EXOC6B: variants seen among roughly 807,000 people sequenced by gnomAD.
EXOC6B encodes the protein SEC15 homolog B.
A neutral mutation model predicts 113.5 loss-of-function variants in EXOC6B; 54 were observed. That is an observed-to-expected ratio of 0.48 (90% confidence interval 0.38 to 0.60). The LOEUF is 0.60. Ranked by LOEUF, EXOC6B falls within the 20% of genes least tolerant of loss-of-function variation. EXOC6B has a pLI of 0.00. For synonymous variants in EXOC6B, 357 were observed against 339.0 expected (o/e 1.05, Z -0.58); for missense variants, 797 against 977.5 (o/e 0.82, Z 2.46).
At chr2:72,697,511 C>G (rs971752340) in intron 6 of EXOC6B, among the ~76,000 whole-genome samples, 8 of 151,986 alleles carry the variant, frequency 5.3e-5, no homozygotes, top group Non-Finnish European at 1.2e-4. Context: ...CAAAAAAGAC[C>G]TATCTCTACA....
At position 72,731,229 on chromosome 2, in the gene EXOC6B, T is replaced by TA; in HGVS notation, c.343_344insT (p.Glu115ValfsTer18). On this transcript the variant is annotated frameshift_variant, in exon 4 of 22. Coordinates refer to ENST00000272427, the MANE Select transcript of EXOC6B (RefSeq NM_015189.3). LOFTEE classifies it high-confidence loss of function. ...TTGTAGTCGACACTGCTTCAGCTCT[T>TA]CCATTGCTATTACCAGCTTGGCAAG... The TA allele has an allele frequency of 6.2e-7, 1 of 1,613,118 alleles. No homozygotes were observed. The highest frequency in any genetic ancestry group is 8.5e-7 in the Non-Finnish European group (1 of 1,179,476).
intron 12 of EXOC6B, among the ~76,000 whole-genome samples, chr2:72,498,760 T>G (rs906552954): frequency 6.6e-6 from 1 of 151,912 alleles, no homozygotes; most frequent in Non-Finnish European, 1.5e-5. Flanking sequence ...CCTAGCAAAA[T>G]GTTTAAGCCA....
chr2:72,429,898 G>C (rs893079374), intron 18 of EXOC6B, among the ~76,000 whole-genome samples: 3 of 152,226 alleles, frequency 2.0e-5, no homozygotes, highest in Non-Finnish European at 2.9e-5. Context: ...CTTGCATTCT[G>C]TGGGCATTTA....
chr2:72,220,777 T>C (rs1429863900), intron 20 of EXOC6B, among the ~76,000 whole-genome samples: 3 of 152,188 alleles, frequency 2.0e-5, no homozygotes, highest in Non-Finnish European at 2.9e-5. Context: ...ACCTCAAACA[T>C]TGTACCCTGG....
chr2:72,731,309 T>C, intron 3 of EXOC6B, 64 bp from the exon 4 acceptor site: 1 of 1,228,526 alleles, frequency 8.1e-7, no homozygotes, highest in Admixed American at 2.0e-5. Flanking sequence ...TTCAGTCACA[T>C]TTTTCCACAC....
chr2:72,636,526 A>G (rs1329848464), intron 6 of EXOC6B, among the ~76,000 whole-genome samples: 2 of 151,182 alleles, frequency 1.3e-5, no homozygotes, highest in Non-Finnish European at 2.9e-5. Context: ...AGGAAGAAGA[A>G]GAGGCAGCGG....
At chr2:72,454,633 G>A (rs1292394684) in intron 18 of EXOC6B, among the ~76,000 whole-genome samples, 1 of 152,132 alleles carries the variant, frequency 6.6e-6, no homozygotes, top group East Asian at 1.9e-4. Context: ...AACAAAAATA[G>A]GATTAGAAGT....
chr2:72,668,202 A>C (rs1055846657), intron 6 of EXOC6B, among the ~76,000 whole-genome samples: 3 of 152,328 alleles, frequency 2.0e-5, no homozygotes, highest in African/African-American at 7.2e-5. Context: ...GTCTCATCAA[A>C]AACACAATGA....
At chr2:72,514,993 A>C in intron 9 of EXOC6B, 50 bp downstream of exon 9, 2 of 1,482,756 alleles carry the variant, frequency 1.3e-6, no homozygotes, top group Non-Finnish European at 1.8e-6. Flanking sequence ...ATCAAAAGAC[A>C]TCAAGGAGGA....
intron 1 of EXOC6B, among the ~76,000 whole-genome samples, chr2:72,779,605 G>GC (rs1398590234): frequency 6.6e-6 from 1 of 152,046 alleles, no homozygotes; most frequent in Non-Finnish European, 1.5e-5. Context: ...CAAGCCCCAT[G>GC]CCAATGCTCT....
rs1237777829 is a variant in EXOC6B at position 72,184,204 on chromosome 2, C to A, written c.2197-17G>T. ...ATCCAAAAGCTGTAAAATATCCAAA[C>A]CCCACCCCAGGGATTAGTCAGACAG... On this transcript the variant is annotated splice_polypyrimidine_tract_variant and intron_variant, in intron 20 of 21. Transcript: ENST00000272427. 2.8e-5 allele frequency: 40 copies of A among 1,403,618 alleles called. No homozygotes were observed. In the East Asian group the frequency reaches 4.2e-4, roughly 15 times the overall value. 86.9% of individuals were successfully genotyped at this position (1,403,618 alleles called of 1,614,324 possible).
chr2:72,599,317 A>G (rs1670262248), intron 6 of EXOC6B, among the ~76,000 whole-genome samples: 2 of 152,132 alleles, frequency 1.3e-5, no homozygotes, highest in African/African-American at 4.8e-5. Flanking sequence ...ATCATATCAA[A>G]AAACAAAAAA....
At chr2:72,654,026 G>C (rs1385447091) in intron 6 of EXOC6B, among the ~76,000 whole-genome samples, 1 of 149,770 alleles carries the variant, frequency 6.7e-6, no homozygotes, top group African/African-American at 2.5e-5. Context: ...CTGGAGTGCA[G>C]TGCCGCGATC....
rs745543998 is a variant in EXOC6B, at chr2:72,512,314, C to CGGAAGGAAGGAAGGAAGGAA, written c.1167+798_1167+817dup. Among the ~76,000 whole-genome samples the CGGAAGGAAGGAAGGAAGGAA allele has an allele frequency of 1.6e-4, 17 of 107,622 alleles. 1 individual carries two copies. The highest frequency in any genetic ancestry group is 5.7e-4 in the African/African-American group (15 of 26,200). The allele number at this position is 107,622 out of a possible 152,430, so 70.6% of individuals were successfully genotyped here. The stretch of plus-strand genomic sequence containing the variant: ...AAGCATAATCAATCTTTAAGAAACA[C>CGGAAGGAAGGAAGGAAGGAA]GGAAGGAAGGAAGGAAGGAAGGAAG... On this transcript the variant is annotated intron_variant, in intron 11 of 21. Coordinates refer to ENST00000272427, the MANE Select transcript of EXOC6B (RefSeq NM_015189.3).
chr2:72,514,863 T>C (rs1442326929), intron 9 of EXOC6B, among the ~76,000 whole-genome samples, 180 bp downstream of exon 9: 1 of 151,740 alleles, frequency 6.6e-6, no homozygotes, highest in African/African-American at 2.4e-5. Context: ...CTTAGAACAG[T>C]GCCAGACACA....
At chr2:72,504,567 C>T (rs115051528) in intron 11 of EXOC6B, among the ~76,000 whole-genome samples, 4,708 of 152,142 alleles carry the variant, frequency 0.031, 121 homozygotes, top group Middle Eastern at 0.071. Context: ...ACATTTAAGT[C>T]ATTTCTCATT....
intron 5 of EXOC6B, among the ~76,000 whole-genome samples, chr2:72,723,837 A>G (rs1247980445): frequency 1.1e-4 from 17 of 152,164 alleles, no homozygotes; most frequent in Admixed American, 1.1e-3. Flanking sequence ...TGGCAAAAAT[A>G]TATGAAACAG....
At chr2:72,586,766 T>C (rs541088994) in intron 6 of EXOC6B, among the ~76,000 whole-genome samples, 2 of 139,356 alleles carry the variant, frequency 1.4e-5, no homozygotes, top group Non-Finnish European at 3.2e-5. Context: ...AATAAAAAAA[T>C]AAAAAAAAAA....
intron 6 of EXOC6B, among the ~76,000 whole-genome samples, chr2:72,653,120 G>A (rs533082354): frequency 6.9e-4 from 105 of 151,680 alleles, no homozygotes; most frequent in Admixed American, 2.2e-3. Flanking sequence ...TGTTTATTGC[G>A]GCTCTATTCG....
Sources: allele counts gnomAD v4.1 joint callset (sites outside exome capture counted in the v4.1 genomes callset), GRCh38; gene constraint gnomAD v4.1.1; transcripts MANE v1.5; gene names NCBI Gene and HGNC (gene_info 2026-07-23, HGNC 2026-07-21).